INTS3: variants seen among roughly 807,000 people sequenced by gnomAD.
INTS3 encodes the protein SOSS complex subunit A.
INTS3 carries 34 observed loss-of-function variants against 146.3 expected under a neutral mutation model. The observed-to-expected ratio is 0.23, with a 90% CI of 0.18 to 0.31. The LOEUF is 0.31. INTS3 is among the 10% of genes least tolerant of loss of function. The pLI is 1.00. For missense variants in INTS3, 757 were observed against 1,304.2 expected (o/e 0.58, Z 6.46); for synonymous variants, 475 against 494.9 (o/e 0.96, Z 0.53).
At chr1:153,762,565 ACAAGAGGTTTGT>A (rs1346031935) in intron 14 of INTS3, among the ~76,000 whole-genome samples, 151 bp from the exon 15 acceptor site, 10 of 152,304 alleles carry the variant, frequency 6.6e-5, no homozygotes, top group South Asian at 2.1e-4. Flanking sequence ...GGTTGTGAGG[ACAAGAGGTTTGT>A]CAAGAGGTTT....
At chr1:153,748,872 G>A (rs567395661) in intron 6 of INTS3, 117 bp downstream of exon 6, 161 of 813,726 alleles carry the variant, frequency 2.0e-4, no homozygotes, top group Non-Finnish European at 3.1e-4. Flanking sequence ...TTAGAGAGGG[G>A]GAGGCAAGGA....
chr1:153,752,381 C>T lies in INTS3; in HGVS notation c.832C>T (p.Pro278Ser), dbSNP rs751244694. Residue 278 changes from proline (P) to serine (S), a missense_variant, in exon 8 of 30, where the codon CCT becomes TCT. This residue lies in a region of INTS3 where 134 missense variants were observed against 243.1 expected (regional missense o/e 0.55). Coordinates refer to ENST00000318967, the MANE Select transcript of INTS3 (RefSeq NM_023015.5). Reference protein sequence around the residue: ...ELLWKDIIHNPQALSPQFTGI... With the variant: ...ELLWKDIIHNSQALSPQFTGI... ...GCTTTGGAAAGATATTATCCATAAT[C>T]CTCAGGCCTTGAGTCCTCAGTTCAC... 2 of 1,613,114 alleles carry T rather than the reference C, an allele frequency of 1.2e-6. No individual in the cohort carries two copies. The highest frequency in any genetic ancestry group is 1.7e-6 in the Non-Finnish European group (2 of 1,179,634).
chr1:153,771,243 C>G (rs915559966), intron 25 of INTS3, among the ~76,000 whole-genome samples: 1 of 152,202 alleles, frequency 6.6e-6, no homozygotes, highest in Non-Finnish European at 1.5e-5. Flanking sequence ...CAACATCCCC[C>G]GATAAATGGG....
In INTS3 at chr1:153,747,222, C is replaced by T. The variant is rs1671782982; in HGVS notation, c.433-57C>T. 2.0e-6 allele frequency: 3 copies of T among 1,480,458 alleles called. No individual in the cohort carries two copies. The Admixed American group carries it at 5.1e-5, about 25-fold the overall frequency. 91.7% of individuals were successfully genotyped at this position (1,480,458 alleles called of 1,614,324 possible). A position where few individuals can be genotyped will look rare whatever the true frequency, so the allele number is the denominator to read the frequency against. On this transcript the variant is annotated intron_variant, in intron 4 of 29. Transcript: ENST00000318967. ...CTCCTTTCAGTTGTAATTGAATTAG[C>T]TCCCTTCTCAAACTCACAGTTCCTG...
At chr1:153,760,232 CAAAAAA>C (rs58951043) in intron 11 of INTS3, 73 bp from the exon 12 acceptor site, 758 of 394,818 alleles carry the variant, frequency 1.9e-3, no homozygotes, top group Middle Eastern at 3.6e-3. Flanking sequence ...GACTCTGTTT[CAAAAAA>C]AAAAAAAAAA....
At chr1:153,755,118 A>G (rs922806709) in intron 9 of INTS3, among the ~76,000 whole-genome samples, 1 of 152,230 alleles carries the variant, frequency 6.6e-6, no homozygotes, top group East Asian at 1.9e-4. Flanking sequence ...CAGGAGAACC[A>G]TGAGGTCTCA....
At chr1:153,736,119 C>A (rs1337854415) in intron 1 of INTS3, among the ~76,000 whole-genome samples, 1 of 152,176 alleles carries the variant, frequency 6.6e-6, no homozygotes, top group Non-Finnish European at 1.5e-5. Flanking sequence ...CTAGGTAATA[C>A]TGGATCTCAG....
At chr1:153,734,602 C>T (rs1482311993) in intron 1 of INTS3, among the ~76,000 whole-genome samples, 2 of 152,194 alleles carry the variant, frequency 1.3e-5, no homozygotes, top group Non-Finnish European at 1.5e-5. Flanking sequence ...GCAGAGCTCA[C>T]GGGAGCTAGG....
Position 153,751,343 on chromosome 1 carries a change from T to A in INTS3, c.729+104T>A. 3.5e-6 allele frequency: 4 copies of A among 1,148,334 alleles called. No individual in the cohort carries two copies. In the South Asian group the frequency reaches 5.8e-5, roughly 17 times the overall value. The allele number at this position is 1,148,334 out of a possible 1,614,324, so 71.1% of individuals were successfully genotyped here. A position where few individuals can be genotyped will look rare whatever the true frequency, so the allele number is the denominator to read the frequency against. ...AGAAATACCTTGTTAGAGATGAAGG[T>A]GCATCAAGATCTGGTGTTTTCCATC... On this transcript the variant is annotated intron_variant, in intron 7 of 29. Transcript: ENST00000318967.
intron 7 of INTS3, 82 bp from the exon 8 acceptor site, chr1:153,752,197 G>C: frequency 2.2e-6 from 3 of 1,351,836 alleles, no homozygotes; most frequent in Non-Finnish European, 3.2e-6. Context: ...AGAACATGTT[G>C]TTCCTTTGTC....
At chr1:153,731,145 C>T (rs1176380455) in intron 1 of INTS3, among the ~76,000 whole-genome samples, 1 of 152,058 alleles carries the variant, frequency 6.6e-6, no homozygotes, top group East Asian at 1.9e-4. Flanking sequence ...AGCTTATCAT[C>T]TAATGGCTTC....
At chr1:153,731,173 G>T (rs992375338) in intron 1 of INTS3, among the ~76,000 whole-genome samples, 2 of 152,024 alleles carry the variant, frequency 1.3e-5, no homozygotes, top group Admixed American at 6.6e-5. Context: ...ACGCCCACAA[G>T]AAGGTAAAAA....
At position 153,747,422 on chromosome 1, in the gene INTS3, GA is replaced by G. The variant is rs550895914; in HGVS notation, c.517+60del. On this transcript the variant is annotated intron_variant, in intron 5 of 29. Coordinates refer to ENST00000318967, the MANE Select transcript of INTS3 (RefSeq NM_023015.5). ...GAGGAGAGCCCAGAGACTACATAGAGACAATGGAGAATGATTAAGTGCCAAA... is the reference window on the plus strand; with the variant it reads ...GAGGAGAGCCCAGAGACTACATAGAGCAATGGAGAATGATTAAGTGCCAAA... 2,163 of 1,276,500 alleles carry G rather than the reference GA, an allele frequency of 1.7e-3. 15 individuals are homozygous for G. The highest frequency in any genetic ancestry group is 8.0e-4 in the Non-Finnish European group (703 of 873,454). The allele number at this position is 1,276,500 out of a possible 1,614,324, so 79.1% of individuals were successfully genotyped here.
chr1:153,764,332 G>A, intron 18 of INTS3, 111 bp downstream of exon 18: 1 of 733,318 alleles, frequency 1.4e-6, no homozygotes, highest in South Asian at 1.6e-5. Context: ...TTCACTTGGT[G>A]TTTTTATTCT....
chr1:153,769,794 T>C lies in INTS3; in HGVS notation c.2339T>C (p.Met780Thr). ...AQLQELVCHV[M>T]MGNLVMFRKD... is the part of the protein sequence containing the mutation. The stretch of plus-strand genomic sequence containing the variant: ...CTCCAGGAGCTGGTCTGCCACGTGA[T>C]GATGGGTAACCTGGTTATGTTTCGA... Residue 780 changes from methionine (M) to threonine (T), a missense_variant, in exon 23 of 30, where the codon ATG becomes ACG. Physicochemically the swap from Met to Thr is moderately conservative, Grantham distance 81. Transcript: ENST00000318967. 1 of 1,613,734 alleles carries C rather than the reference T, an allele frequency of 6.2e-7. No individual in the cohort carries two copies. Among genetic ancestry groups the C allele is most frequent in the Non-Finnish European group, 8.5e-7 (1 of 1,179,734 alleles).
chr1:153,772,028 GT>G lies in INTS3; in HGVS notation c.2720+66del. 1 of 1,364,184 alleles carries G rather than the reference GT, an allele frequency of 7.3e-7. No homozygotes were observed. The allele number at this position is 1,364,184 out of a possible 1,614,324, so 84.5% of individuals were successfully genotyped here. A position where few individuals can be genotyped will look rare whatever the true frequency, so the allele number is the denominator to read the frequency against. The stretch of plus-strand genomic sequence containing the variant: ...TCTGCAGTGATTGCTGTCGGTGGTG[GT>G]GGTGGTGGTGGTGGTGGTGGTGATG... On this transcript the variant is annotated intron_variant, in intron 26 of 29. Coordinates refer to ENST00000318967, the MANE Select transcript of INTS3 (RefSeq NM_023015.5). This position sits in a 1 kb window ranked among gnomAD's most constrained non-coding sequence, Gnocchi z 4.6.
intron 20 of INTS3, 97 bp from the exon 21 acceptor site, chr1:153,767,577 G>A (rs1672640627): frequency 1.5e-6 from 2 of 1,312,466 alleles, no homozygotes; most frequent in Non-Finnish European, 1.0e-6. Context: ...GGCATCTGGA[G>A]CCAGCAAAGC....
chr1:153,742,870 T>A (rs1394764502), intron 3 of INTS3, among the ~76,000 whole-genome samples: 1 of 152,214 alleles, frequency 6.6e-6, no homozygotes, highest in Non-Finnish European at 1.5e-5. Flanking sequence ...TTGCCTCGGG[T>A]CTCATAGCTG....
chr1:153,770,454 T>A (rs1570885891), intron 24 of INTS3, 143 bp downstream of exon 24: 1 of 711,110 alleles, frequency 1.4e-6, no homozygotes, highest in Non-Finnish European at 2.5e-6. Context: ...AGGCTCTCTG[T>A]CAGCCACTTT....
Sources: gnomAD v4.1 joint callset for allele counts (sites outside exome capture counted in the v4.1 genomes callset) on GRCh38, gnomAD v4.1.1 for gene constraint, gnomAD v4.1.1 regional missense constraint, Gnocchi (gnomAD v3.1) non-coding constraint, MANE v1.5 for transcripts, NCBI Gene and HGNC (gene_info 2026-07-23, HGNC 2026-07-21) for gene names.